CCNY: variants seen among roughly 807,000 people sequenced by gnomAD.
CCNY encodes the protein cyclin Y.
Under a neutral mutation model 42.8 loss-of-function variants are expected in CCNY, and 19 were observed. The ratio of observed to expected loss-of-function variants is 0.44; its 90% CI spans 0.31 to 0.65. The LOEUF is 0.65. CCNY is among the 30% of genes least tolerant of loss of function. The pLI, the probability that CCNY is intolerant of heterozygous loss-of-function variation, is 0.07. For missense variants in CCNY, 370 were observed against 437.3 expected (o/e 0.85, Z 1.37); for synonymous variants, 165 against 162.7 (o/e 1.01, Z -0.11).
intron 3 of CCNY, among the ~76,000 whole-genome samples, chr10:35,513,459 G>A (rs1840362725): frequency 6.6e-6 from 1 of 152,090 alleles, no homozygotes; most frequent in Admixed American, 6.5e-5. Flanking sequence ...CCAAAATGTT[G>A]CAGGCATTAG....
intron 1 of CCNY, among the ~76,000 whole-genome samples, chr10:35,461,828 T>C (rs1400833390): frequency 6.6e-6 from 1 of 152,202 alleles, no homozygotes; most frequent in Non-Finnish European, 1.5e-5. Flanking sequence ...GATTTGTTAT[T>C]GAGGTATCTC....
intron 1 of CCNY, among the ~76,000 whole-genome samples, chr10:35,458,375 A>G (rs1839083702): frequency 6.6e-6 from 1 of 152,344 alleles, no homozygotes; most frequent in Admixed American, 6.5e-5. Context: ...TCCAGCCCAT[A>G]CAGAGTTTGT....
At chr10:35,363,314 C>T (rs1408641701) in intron 1 of CCNY, among the ~76,000 whole-genome samples, 3 of 151,098 alleles carry the variant, frequency 2.0e-5, no homozygotes, top group Non-Finnish European at 2.9e-5. Context: ...GTTGGGGGGC[C>T]GGGCAGAGGC....
At chr10:35,281,068 A>G (rs1348994262) in intron 3 of CCNY, among the ~76,000 whole-genome samples, 1 of 152,192 alleles carries the variant, frequency 6.6e-6, no homozygotes, top group Non-Finnish European at 1.5e-5. Flanking sequence ...ACCCACTGGC[A>G]TGGCTATAAT....
intron 1 of CCNY, among the ~76,000 whole-genome samples, chr10:35,360,283 CTTTTCT>C (rs1229128442): frequency 2.5e-5 from 3 of 118,180 alleles, no homozygotes; most frequent in East Asian, 2.8e-4. Flanking sequence ...CCTTTCTTTT[CTTTTCT>C]TTTTTTTTTT....
chr10:35,404,900 G>A lies in CCNY; in HGVS notation c.154+67693G>A, dbSNP rs1180189526. On this transcript the variant is annotated intron_variant, in intron 1 of 9. Transcript: ENST00000374704. ...CAGTACAGCCCAGGTAATTTGCTGA[G>A]CCTGATGGGTATCAGGGTCAGTCCA... is the stretch of plus-strand genomic sequence containing the variant. Among the ~76,000 whole-genome samples the A allele has an allele frequency of 2.0e-5, 3 of 152,330 alleles. No homozygotes were observed. The East Asian group carries it at 5.8e-4, about 29-fold the overall frequency.
At chr10:35,364,373 CAGAAAG>C (rs1836765645) in intron 1 of CCNY, among the ~76,000 whole-genome samples, 1 of 152,162 alleles carries the variant, frequency 6.6e-6, no homozygotes, top group African/African-American at 2.4e-5. Flanking sequence ...ACACCAATAA[CAGAAAG>C]TTAACTGAAT....
chr10:35,388,624 A>G (rs148789516), intron 1 of CCNY, among the ~76,000 whole-genome samples: 3 of 152,334 alleles, frequency 2.0e-5, no homozygotes. Context: ...CTCTTTTGAC[A>G]TATAAATAAT....
chr10:35,566,133 A>G lies in CCNY; in HGVS notation c.857A>G (p.Asn286Ser), dbSNP rs537701572. 12 of 1,614,238 alleles carry G rather than the reference A, an allele frequency of 7.4e-6. No homozygotes were observed. The highest frequency in any genetic ancestry group is 5.3e-5 in the African/African-American group (4 of 75,064). Residue 286 changes from asparagine to serine, a missense_variant, in exon 9 of 10, where the codon AAC becomes AGC. By Grantham distance (46) the Asn-to-Ser change is conservative. Coordinates refer to ENST00000374704, the MANE Select transcript of CCNY (RefSeq NM_145012.6). Reference sequence around the variant, plus strand: ...CTTCGTTCTCTGGCAGAAGCGAACAACCTGAGCTTTCCCTTGGAGCCCCTG... The same window carrying G: ...CTTCGTTCTCTGGCAGAAGCGAACAGCCTGAGCTTTCCCTTGGAGCCCCTG... The part of the protein sequence containing the change: ...FDLRSLAEAN[N>S]LSFPLEPLSR...
intron 1 of CCNY, among the ~76,000 whole-genome samples, chr10:35,360,309 TAG>T (rs777708482): frequency 7.5e-4 from 106 of 141,824 alleles, no homozygotes; most frequent in Non-Finnish European, 1.3e-3. Flanking sequence ...TTTTTTGAGA[TAG>T]AGTCTCACTC....
chr10:35,361,729 T>C (rs1039483898), intron 1 of CCNY, among the ~76,000 whole-genome samples: 3 of 152,244 alleles, frequency 2.0e-5, no homozygotes, highest in Non-Finnish European at 4.4e-5. Context: ...TATGTAGATA[T>C]TACAAAGATA....
rs1460905584 is a variant in CCNY at position 35,570,470 on chromosome 10, G to A, written c.*1300G>A. ...CCTGATTTCCTTATGGACTCAATAA[G>A]AATCTTTTATATCAAGTAAAATGAA... On this transcript the variant is annotated 3_prime_UTR_variant, in exon 10 of 10. Coordinates refer to ENST00000374704, the MANE Select transcript of CCNY (RefSeq NM_145012.6). 1 of 152,224 alleles carries A rather than the reference G, an allele frequency of 6.6e-6. No individual in the cohort carries two copies. The highest frequency in any genetic ancestry group is 6.6e-5 in the Admixed American group (1 of 15,266). 9.4% of individuals were successfully genotyped at this position (152,224 alleles called of 1,614,324 possible). A position where few individuals can be genotyped will look rare whatever the true frequency, so the allele number is the denominator to read the frequency against.
intron 1 of CCNY, among the ~76,000 whole-genome samples, chr10:35,340,175 T>C (rs1564373974): frequency 6.6e-6 from 1 of 152,174 alleles, no homozygotes; most frequent in Non-Finnish European, 1.5e-5. Flanking sequence ...TTGTCCAAAG[T>C]CACACAGCCA....
At chr10:35,430,370 A>G (rs1052892152) in intron 1 of CCNY, among the ~76,000 whole-genome samples, 4 of 145,650 alleles carry the variant, frequency 2.7e-5, no homozygotes, top group Non-Finnish European at 6.0e-5. Context: ...AAGTGATGAG[A>G]TGTTGAAATC....
At chr10:35,306,452 T>TCCA (rs1367757858) in intron 3 of CCNY, among the ~76,000 whole-genome samples, 7 of 152,230 alleles carry the variant, frequency 4.6e-5, no homozygotes, top group Non-Finnish European at 2.9e-5. Context: ...TGCCTGGGTT[T>TCCA]CCACCAGCTC....
chr10:35,331,715 T>C (rs571290875), upstream of CCNY, among the ~76,000 whole-genome samples: 4 of 152,332 alleles, frequency 2.6e-5, no homozygotes, highest in South Asian at 6.2e-4. Context: ...TTATTTCTTG[T>C]GGGAATTTTT....
chr10:35,381,024 T>C (rs1326361604), intron 1 of CCNY, among the ~76,000 whole-genome samples: 1 of 152,158 alleles, frequency 6.6e-6, no homozygotes, highest in African/African-American at 2.4e-5. Flanking sequence ...GTGGGAGTGG[T>C]CTGCTCCAGT....
intron 2 of CCNY, among the ~76,000 whole-genome samples, chr10:35,496,404 T>C (rs895305615): frequency 2.6e-5 from 4 of 152,256 alleles, no homozygotes; most frequent in African/African-American, 7.2e-5. Context: ...CTTCCCTTCC[T>C]TGGCCTGCTT....
chr10:35,378,447 G>T (rs1170299348), intron 1 of CCNY, among the ~76,000 whole-genome samples: 1 of 152,082 alleles, frequency 6.6e-6, no homozygotes, highest in Non-Finnish European at 1.5e-5. Flanking sequence ...GGGAGAATTT[G>T]TGAGAATAGA....
Sources: gnomAD v4.1 joint callset for allele counts (sites outside exome capture counted in the v4.1 genomes callset) on GRCh38, gnomAD v4.1.1 for gene constraint, MANE v1.5 for transcripts, NCBI Gene and HGNC (gene_info 2026-07-23, HGNC 2026-07-21) for gene names.